The following TP63 variants were observed in gnomAD, a reference collection of about 807,000 sequenced individuals.
TP63 encodes tumor protein p63.
In TP63, 17 loss-of-function variants were observed where a neutral mutation model predicts 82.8. The observed-to-expected ratio is 0.21, with a 90% CI of 0.14 to 0.31. The LOEUF is 0.31. Among genes scored for constraint, TP63 ranks in the 10% least tolerant of loss-of-function variants. The pLI is 1.00. For missense variants in TP63, 648 were observed against 895.3 expected (o/e 0.72, Z 3.52); for synonymous variants, 330 against 321.7 (o/e 1.03, Z -0.28).
chr3:189,609,034 G>C, the TP63 span, among the ~76,000 whole-genome samples: 1 of 152,056 alleles, frequency 6.6e-6, no homozygotes, highest in Non-Finnish European at 1.5e-5. Context: ...TTCTCTTGCT[G>C]TCTAATTGAG....
At chr3:189,685,272 A>G (rs1716341511) in intron 1 of TP63, among the ~76,000 whole-genome samples, 2 of 152,204 alleles carry the variant, frequency 1.3e-5, no homozygotes, top group South Asian at 4.1e-4. Context: ...TGATAAAGGC[A>G]GAGTCAAATG....
chr3:189,684,695 A>G (rs1420456701), intron 1 of TP63, among the ~76,000 whole-genome samples: 2 of 150,226 alleles, frequency 1.3e-5, no homozygotes, highest in African/African-American at 4.9e-5. Flanking sequence ...CAGTGGTGCA[A>G]TCTCGGCTCA....
chr3:189,844,840 G>T (rs377517180), intron 4 of TP63, among the ~76,000 whole-genome samples: 31 of 152,144 alleles, frequency 2.0e-4, no homozygotes, highest in African/African-American at 6.3e-4. Context: ...AAAAGTTATT[G>T]TTGGACCCTC....
the TP63 span, among the ~76,000 whole-genome samples, chr3:189,618,077 C>A: frequency 6.6e-6 from 1 of 152,098 alleles, no homozygotes; most frequent in East Asian, 1.9e-4. Context: ...AATGTGGGAT[C>A]CTTTGTTTAA....
At chr3:189,842,443 C>T (rs1200408570) in intron 4 of TP63, among the ~76,000 whole-genome samples, 11 of 152,116 alleles carry the variant, frequency 7.2e-5, no homozygotes, top group Admixed American at 5.2e-4. Flanking sequence ...TCTCATTTAT[C>T]GGGGAGTTAA....
chr3:189,748,437 A>G (rs918024421), intron 3 of TP63, among the ~76,000 whole-genome samples: 1 of 150,092 alleles, frequency 6.7e-6, no homozygotes, highest in Middle Eastern at 3.2e-3. Flanking sequence ...TTCATTTACA[A>G]TGGCCACAAA....
At chr3:189,782,647 T>A (rs1358502585) in intron 3 of TP63, among the ~76,000 whole-genome samples, 1 of 152,170 alleles carries the variant, frequency 6.6e-6, no homozygotes, top group African/African-American at 2.4e-5. Context: ...TTAAATATTA[T>A]AATGTAAGGT....
chr3:189,781,775 T>G (rs1352299139), intron 3 of TP63, among the ~76,000 whole-genome samples: 1 of 152,146 alleles, frequency 6.6e-6, no homozygotes, highest in Non-Finnish European at 1.5e-5. Flanking sequence ...GAAATCTTGG[T>G]AGAAATCAAC....
intron 4 of TP63, among the ~76,000 whole-genome samples, chr3:189,845,960 T>A (rs1468703867): frequency 6.6e-6 from 1 of 151,684 alleles, no homozygotes; most frequent in Non-Finnish European, 1.5e-5. Flanking sequence ...ATTCTACCTT[T>A]AGGAAAGGGA....
intron 1 of TP63, among the ~76,000 whole-genome samples, chr3:189,728,048 AGTGTTGACT>A (rs1298407967): frequency 6.6e-6 from 1 of 152,164 alleles, no homozygotes; most frequent in Non-Finnish European, 1.5e-5. Flanking sequence ...AGTTTGCAAA[AGTGTTGACT>A]GTACACTTTA....
chr3:189,701,908 T>G (rs1241608099), intron 1 of TP63, among the ~76,000 whole-genome samples: 3 of 152,170 alleles, frequency 2.0e-5, no homozygotes, highest in Non-Finnish European at 2.9e-5. Context: ...CTTTTCTTTC[T>G]TTTTCTTCTT....
chr3:189,649,537 C>A lies in TP63; in HGVS notation c.62+17960C>A, dbSNP rs940730271. Among the ~76,000 whole-genome samples the A allele has an allele frequency of 2.0e-5, 3 of 146,668 alleles. 1 individual carries two copies. In the East Asian group the frequency reaches 7.1e-4, roughly 35 times the overall value. ...TAATTAATGAGTGCTAGGCTTAATA[C>A]CTGGATGATGAAATAATATTTACAG... On this transcript the variant is annotated intron_variant, in intron 1 of 13. Coordinates refer to ENST00000264731, the MANE Select transcript of TP63 (RefSeq NM_003722.5).
chr3:189,827,327 A>G (rs576707684), intron 4 of TP63, among the ~76,000 whole-genome samples: 13 of 152,194 alleles, frequency 8.5e-5, no homozygotes, highest in Admixed American at 3.3e-4. Context: ...TTAATTGTAG[A>G]TGAACACTTG....
chr3:189,635,839 C>T (rs928539596), intron 1 of TP63, among the ~76,000 whole-genome samples: 6 of 152,012 alleles, frequency 3.9e-5, no homozygotes, highest in African/African-American at 1.4e-4. Flanking sequence ...AAAAGTATGC[C>T]ATGATGTTGT....
intron 1 of TP63, among the ~76,000 whole-genome samples, chr3:189,713,091 G>C (rs577439437): frequency 6.6e-6 from 1 of 152,248 alleles, no homozygotes; most frequent in South Asian, 2.1e-4. Flanking sequence ...TGGATTTCCT[G>C]ATTATTTGGC....
chr3:189,874,554 T>C (rs980913574), intron 10 of TP63, among the ~76,000 whole-genome samples: 1 of 152,194 alleles, frequency 6.6e-6, no homozygotes, highest in African/African-American at 2.4e-5. Context: ...CACCATTTAC[T>C]TTTAGCATAA....
intron 1 of TP63, among the ~76,000 whole-genome samples, chr3:189,733,967 GTT>G (rs1411780210): frequency 1.3e-5 from 2 of 151,966 alleles, no homozygotes; most frequent in Non-Finnish European, 2.9e-5. Flanking sequence ...ATTTAACTTT[GTT>G]AATTCCTTCC....
intron 4 of TP63, among the ~76,000 whole-genome samples, chr3:189,814,812 C>A (rs888290768): frequency 6.6e-6 from 1 of 152,210 alleles, no homozygotes; most frequent in Non-Finnish European, 1.5e-5. Flanking sequence ...TTAACGTATT[C>A]GTGATGAGCC....
At chr3:189,625,697 GA>G in the TP63 span, among the ~76,000 whole-genome samples, 8 of 151,756 alleles carry the variant, frequency 5.3e-5, no homozygotes, top group East Asian at 1.2e-3. Flanking sequence ...ATGGTTCAGG[GA>G]AAAAAAAATC....
Sources: allele counts gnomAD v4.1 joint callset (sites outside exome capture counted in the v4.1 genomes callset), GRCh38; gene constraint gnomAD v4.1.1; transcripts MANE v1.5; gene names NCBI Gene and HGNC (gene_info 2026-07-23, HGNC 2026-07-21).